The following USP8 variants were observed in gnomAD, a reference collection of about 807,000 sequenced individuals.
USP8 encodes the protein ubiquitin specific peptidase 8.
A neutral mutation model predicts 130.0 loss-of-function variants in USP8; 27 were observed. That is an observed-to-expected ratio of 0.21 (90% CI 0.15 to 0.29). USP8 has a LOEUF of 0.29. USP8 is among the 10% of genes least tolerant of loss of function. The pLI is 1.00. For missense variants in USP8, 1,029 were observed against 1,312.2 expected, an observed-to-expected ratio of 0.78 and a Z score of 3.33; for synonymous variants, 392 against 444.1, an observed-to-expected ratio of 0.88 and a Z score of 1.48.
chr15:50,492,216 A>T (rs574634677), intron 14 of USP8, among the ~76,000 whole-genome samples: 1 of 152,336 alleles, frequency 6.6e-6, no homozygotes, highest in Non-Finnish European at 1.5e-5. Context: ...AACACACTCT[A>T]GAATTTAAGT....
In USP8 at chr15:50,500,646, T is replaced by G; in HGVS notation, c.*1558T>G. On this transcript the variant is annotated 3_prime_UTR_variant, in exon 20 of 20. Transcript: ENST00000307179. The stretch of plus-strand genomic sequence containing the variant: ...TTGCAGTGTTCAGGAAACACCATTT[T>G]CCTGGCTCTTAACGCTTTTGTATTG... The G allele has an allele frequency of 1.1e-6, 1 of 902,572 alleles. No individual in the cohort carries two copies. Among genetic ancestry groups the G allele is most frequent in the Non-Finnish European group, 1.7e-6 (1 of 579,634 alleles). The allele number at this position is 902,572 out of a possible 1,614,324, so 55.9% of individuals were successfully genotyped here.
chr15:50,474,581 AT>A (rs144138112), intron 8 of USP8, among the ~76,000 whole-genome samples: 1 of 152,340 alleles, frequency 6.6e-6, no homozygotes, highest in African/African-American at 2.4e-5. Context: ...TTAGTGTATG[AT>A]AAAGGTGACA....
intron 1 of USP8, among the ~76,000 whole-genome samples, chr15:50,438,654 A>AT (rs1470898115): frequency 1.3e-5 from 2 of 152,180 alleles, no homozygotes; most frequent in African/African-American, 4.8e-5. Flanking sequence ...AAAGAGAAAT[A>AT]TTTCTAGATA....
chr15:50,478,002 A>G (rs2051628738), intron 10 of USP8, among the ~76,000 whole-genome samples: 2 of 152,314 alleles, frequency 1.3e-5, no homozygotes, highest in South Asian at 4.1e-4. Flanking sequence ...CGCCTATATT[A>G]GAGTAGATAA....
chr15:50,498,298 C>G (rs2052492031), intron 18 of USP8: 1 of 235,182 alleles, frequency 4.3e-6, no homozygotes, highest in African/African-American at 2.2e-5. Flanking sequence ...ACATGTGGGT[C>G]TTACCTTCCT....
At chr15:50,461,297 A>G (rs2050992374) in intron 5 of USP8, among the ~76,000 whole-genome samples, 1 of 151,838 alleles carries the variant, frequency 6.6e-6, no homozygotes, top group African/African-American at 2.4e-5. Context: ...TGGCCTCTAC[A>G]AACATTTTTT....
In USP8 at chr15:50,506,002, TAC is replaced by T. The variant is rs1482540675; in HGVS notation, c.*6916_*6917del. The T allele has an allele frequency of 6.6e-6, 1 of 152,354 alleles. No homozygotes were observed. The highest frequency in any genetic ancestry group is 2.1e-4 in the South Asian group (1 of 4,828). The allele number at this position is 152,354 out of a possible 1,614,324, so 9.4% of individuals were successfully genotyped here. A position where few individuals can be genotyped will look rare whatever the true frequency, so the allele number is the denominator to read the frequency against. On this transcript the variant is annotated 3_prime_UTR_variant, in exon 20 of 20. Coordinates refer to ENST00000307179, the MANE Select transcript of USP8 (RefSeq NM_005154.5). The stretch of plus-strand genomic sequence containing the variant: ...AAAACAGTAGTTCAGTGATCAGAAT[TAC>T]AGTGTTCTAAGAGCTTTCCATTTCT...
Position 50,494,055 on chromosome 15 carries a change from C to T in USP8, c.2448-15C>T. On this transcript the variant is annotated splice_polypyrimidine_tract_variant and intron_variant, in intron 15 of 19. Transcript: ENST00000307179. ...TTTCCTTTATTGTCTTTTGTAACAA[C>T]TTTTATTTGCACAGGTCAAATTTGT... The T allele has an allele frequency of 1.3e-6, 2 of 1,595,202 alleles. No homozygotes were observed. The highest frequency in any genetic ancestry group is 1.7e-6 in the Non-Finnish European group (2 of 1,173,670).
In USP8 at chr15:50,439,040, C is replaced by A; in HGVS notation, c.-34C>A. On this transcript the variant is annotated 5_prime_UTR_variant, in exon 2 of 20. Coordinates refer to ENST00000307179, the MANE Select transcript of USP8 (RefSeq NM_005154.5). ...AGCACTTGTAAGGAAATATAGCATC[C>A]ATTGTGAAAGTGGAAAAGTAAAGAT... 1 of 1,417,574 alleles carries A rather than the reference C, an allele frequency of 7.1e-7. No individual in the cohort carries two copies. Among genetic ancestry groups the A allele is most frequent in the South Asian group, 1.2e-5 (1 of 85,306 alleles). 87.8% of individuals were successfully genotyped at this position (1,417,574 alleles called of 1,614,324 possible). A position where few individuals can be genotyped will look rare whatever the true frequency, so the allele number is the denominator to read the frequency against.
chr15:50,471,634 G>A lies in USP8; in HGVS notation c.688G>A (p.Val230Ile), dbSNP rs928608253. 17 of 1,610,080 alleles carry A rather than the reference G, an allele frequency of 1.1e-5. No individual in the cohort carries two copies. The highest frequency in any genetic ancestry group is 1.4e-5 in the Non-Finnish European group (17 of 1,179,340). Residue 230 changes from valine (V) to isoleucine (I), a missense_variant and splice_region_variant, in exon 8 of 20, where the codon GTC (valine) becomes ATC (isoleucine). Val to Ile is a conservative substitution (Grantham distance 29). Transcript: ENST00000307179. ...SVPEEAISPG[V>I]TASWIEAHLP... ...AATTTAAATATTAATACATTTCAGA[G>A]TCACTGCTAGTTGGATTGAAGCACA...
At chr15:50,457,382 A>AC (rs1339012302) in intron 4 of USP8, among the ~76,000 whole-genome samples, 1 of 151,240 alleles carries the variant, frequency 6.6e-6, no homozygotes, top group African/African-American at 2.4e-5. Context: ...ACATAGTGAA[A>AC]CCCCACCTCT....
intron 1 of USP8, among the ~76,000 whole-genome samples, chr15:50,427,407 T>C (rs1400054521): frequency 7.9e-5 from 12 of 152,068 alleles, no homozygotes; most frequent in Admixed American, 7.9e-4. Context: ...GGTGGTGGTA[T>C]TGGGAGTGAT....
In USP8 at chr15:50,507,273, ACT is replaced by A. The variant is rs1278733473; in HGVS notation, c.*8188_*8189del. On this transcript the variant is annotated 3_prime_UTR_variant, in exon 20 of 20. Transcript: ENST00000307179. ...ACTCCAGCCTGGGGCACAGAGTGAG[ACT>A]CTGTCTCTAAAACAAAACAACAACA... 6.6e-6 allele frequency: 1 copy of A among 152,476 alleles called. No individual in the cohort carries two copies. Among genetic ancestry groups the A allele is most frequent in the African/African-American group, 2.4e-5 (1 of 41,432 alleles). The allele number at this position is 152,476 out of a possible 1,614,324, so 9.4% of individuals were successfully genotyped here.
At chr15:50,479,195 A>G (rs1013953991) in intron 10 of USP8, among the ~76,000 whole-genome samples, 7 of 152,238 alleles carry the variant, frequency 4.6e-5, no homozygotes, top group Admixed American at 1.3e-4. Flanking sequence ...AAGGCACTGG[A>G]GCACAGAGCA....
intron 18 of USP8, 73 bp downstream of exon 18, chr15:50,497,304 T>G: frequency 4.0e-6 from 6 of 1,512,848 alleles, no homozygotes; most frequent in Non-Finnish European, 5.3e-6. Context: ...TAATTTATAC[T>G]TGTTGTACTG....
In USP8 at chr15:50,481,933, T is replaced by C. The variant is rs757260416; in HGVS notation, c.1671T>C (p.Ser557=). Residue 557 remains serine, a synonymous_variant, in exon 11 of 20, where the codon AGT becomes AGC. Transcript: ENST00000307179. The stretch of plus-strand genomic sequence containing the variant: ...CAGGAGTAAAAAGACAAAGTAAAAG[T>C]GAACATGAAACTTCTGATGCCAAGA... ...EITGVKRQSK[S]EHETSDAKKS... is the part of the protein sequence containing the mutation. 2 of 1,608,012 alleles carry C rather than the reference T, an allele frequency of 1.2e-6. No homozygotes were observed. The highest frequency in any genetic ancestry group is 1.7e-6 in the Non-Finnish European group (2 of 1,178,478).
chr15:50,492,593 C>A, intron 14 of USP8, 108 bp from the exon 15 acceptor site: 1 of 1,059,222 alleles, frequency 9.4e-7, no homozygotes, highest in Non-Finnish European at 1.4e-6. Flanking sequence ...TAACTGTTTA[C>A]AAGATGCCTG....
intron 7 of USP8, among the ~76,000 whole-genome samples, chr15:50,471,227 T>C (rs1017216586): frequency 6.6e-6 from 1 of 152,238 alleles, no homozygotes; most frequent in Non-Finnish European, 1.5e-5. Context: ...TCCTGGTATA[T>C]GGTGGACTAT....
chr15:50,430,616 C>G (rs2049899692), intron 1 of USP8, among the ~76,000 whole-genome samples: 1 of 151,630 alleles, frequency 6.6e-6, no homozygotes, highest in African/African-American at 2.4e-5. Context: ...ACTGTGTTGC[C>G]CAGCAGTTCA....
Sources: allele counts gnomAD v4.1 joint callset (sites outside exome capture counted in the v4.1 genomes callset), GRCh38; gene constraint gnomAD v4.1.1; transcripts MANE v1.5; gene names NCBI Gene and HGNC (gene_info 2026-07-23, HGNC 2026-07-21).